Variants in API5 observed in about 807,000 individuals in gnomAD.
API5 encodes FIF.
A neutral mutation model predicts 71.9 loss-of-function variants in API5; 6 were observed. The ratio of observed to expected loss-of-function variants is 0.08; its 90% confidence interval spans 0.05 to 0.16. The LOEUF (loss-of-function observed/expected upper bound fraction) is 0.16. Ranked by LOEUF, API5 falls within the 10% of genes least tolerant of loss-of-function variation. The pLI is 1.00. For missense variants in API5, 332 were observed against 612.8 expected, an observed-to-expected ratio of 0.54 and a Z score of 4.84; for synonymous variants, 189 against 221.3, an observed-to-expected ratio of 0.85 and a Z score of 1.30.
chr11:43,318,664 T>C lies in API5; in HGVS notation c.94T>C (p.Leu32=), dbSNP rs1349616746. The C allele has an allele frequency of 5.6e-6, 9 of 1,613,412 alleles. No individual in the cohort carries two copies. The highest frequency in any genetic ancestry group is 3.3e-5 in the Admixed American group (2 of 60,028). ...GCATAAAGATGCCTATCAAGTGATA[T>C]TGGATGGTGTGAAAGGTGGTACTAA... ...GQHKDAYQVI[L]DGVKGGTKEK... Residue 32 remains leucine (L), a synonymous_variant, in exon 2 of 14, where the codon TTG becomes CTG. Coordinates refer to ENST00000531273, the MANE Select transcript of API5 (RefSeq NM_001142930.2).
intron 6 of API5, among the ~76,000 whole-genome samples, chr11:43,325,427 A>G (rs535352706): frequency 5.9e-5 from 9 of 152,272 alleles, no homozygotes; most frequent in Non-Finnish European, 1.2e-4. Flanking sequence ...GTCAAAGCCC[A>G]TTGCAGCAGA....
At position 43,344,016 on chromosome 11, in the gene API5, A is replaced by G. The variant is rs1006649607; in HGVS notation, c.*1506A>G. 1.3e-5 allele frequency: 2 copies of G among 152,672 alleles called. No homozygotes were observed. The highest frequency in any genetic ancestry group is 2.4e-5 in the African/African-American group (1 of 41,472). 9.5% of individuals were successfully genotyped at this position (152,672 alleles called of 1,614,324 possible). A position where few individuals can be genotyped will look rare whatever the true frequency, so the allele number is the denominator to read the frequency against. The stretch of plus-strand genomic sequence containing the variant: ...AAGGCTAGAATGATACAAGTGAGCA[A>G]AAGTTGGTCAGCTTGGCTATGGAGT... On this transcript the variant is annotated 3_prime_UTR_variant, in exon 14 of 14. Transcript: ENST00000531273.
chr11:43,342,461 G>A lies in API5; in HGVS notation c.1526G>A (p.Gly509Asp). 1 of 1,612,336 alleles carries A rather than the reference G, an allele frequency of 6.2e-7. No individual in the cohort carries two copies. Among genetic ancestry groups the A allele is most frequent in the Non-Finnish European group, 8.5e-7 (1 of 1,178,906 alleles). The change falls in exon 14 of 14, where the codon GGC (glycine) becomes GAC (aspartate). Residue 509 changes from glycine (G) to aspartate (D), a missense_variant. Physicochemically the swap from Gly to Asp is moderately conservative, Grantham distance 94. Around this residue, in one of 3 missense-constraint regions of API5, gnomAD observed 168 missense variants for 343.9 expected, o/e 0.49. Coordinates refer to ENST00000531273, the MANE Select transcript of API5 (RefSeq NM_001142930.2). Reference protein sequence around the residue: ...QRGAFRGSRGGRGWGTRGNRS... With the variant: ...QRGAFRGSRGDRGWGTRGNRS... ...GGAGCCTTCAGGGGAAGTAGAGGTG[G>A]CCGAGGTTGGGGCACACGAGGAAAT...
chr11:43,338,648 T>TGTAA (rs748752244), intron 13 of API5, among the ~76,000 whole-genome samples: 1 of 97,012 alleles, frequency 1.0e-5, no homozygotes, highest in Non-Finnish European at 1.9e-5. Flanking sequence ...CAATTGGAGG[T>TGTAA]AAAAAAAAAA....
intron 13 of API5, among the ~76,000 whole-genome samples, chr11:43,341,876 G>T (rs553821867): frequency 1.3e-5 from 2 of 152,012 alleles, no homozygotes; most frequent in African/African-American, 4.8e-5. Flanking sequence ...AAAAGTGTAC[G>T]GGCTGGGCAC....
intron 11 of API5, among the ~76,000 whole-genome samples, chr11:43,333,127 A>G (rs1855312583): frequency 6.6e-6 from 1 of 152,180 alleles, no homozygotes; most frequent in Non-Finnish European, 1.5e-5. Flanking sequence ...GACAAAAACC[A>G]AAATGCAGTC....
intron 12 of API5, 129 bp from the exon 13 acceptor site, chr11:43,335,729 A>T (rs1357992304): frequency 9.3e-7 from 1 of 1,074,862 alleles, no homozygotes; most frequent in Non-Finnish European, 1.3e-6. Flanking sequence ...TCAAATGTTA[A>T]TTCCTTTTTT....
chr11:43,343,220 A>G lies in API5; in HGVS notation c.*710A>G, dbSNP rs1252875011. Reference sequence around the variant, plus strand: ...TGTGTGTGTGTGTGTGTATATATATATATATGCATGCTGTGAAACTTGACT... The same window carrying G: ...TGTGTGTGTGTGTGTGTATATATATGTATATGCATGCTGTGAAACTTGACT... On this transcript the variant is annotated 3_prime_UTR_variant, in exon 14 of 14. Transcript: ENST00000531273. 12 of 152,568 alleles carry G rather than the reference A, an allele frequency of 7.9e-5. No individual in the cohort carries two copies. Among genetic ancestry groups the G allele is most frequent in the Admixed American group, 7.9e-4 (12 of 15,266 alleles). The allele number at this position is 152,568 out of a possible 1,614,324, so 9.5% of individuals were successfully genotyped here.
rs1305618095 is a variant in API5 at position 43,323,575 on chromosome 11, C to T, written c.689C>T (p.Ser230Leu). The T allele has an allele frequency of 6.2e-6, 10 of 1,613,970 alleles. No homozygotes were observed. Among genetic ancestry groups the T allele is most frequent in the African/African-American group, 2.7e-5 (2 of 74,910 alleles). ...QADLEQTFNP[S>L]DPDCVDRLLQ... ...GACCTAGAACAGACCTTCAATCCCT[C>T]GGATCCTGACTGTGTGGACAGGCTC... Residue 230 changes from serine (S) to leucine (L), a missense_variant, in exon 6 of 14, where the codon TCG (serine) becomes TTG (leucine). Physicochemically the swap from Ser to Leu is moderately radical, Grantham distance 145. Transcript: ENST00000531273.
intron 13 of API5, among the ~76,000 whole-genome samples, chr11:43,337,209 C>A (rs1855466186): frequency 6.6e-6 from 1 of 151,746 alleles, no homozygotes; most frequent in African/African-American, 2.4e-5. Context: ...ACTTATAGTC[C>A]CAGCTACTCA....
intron 6 of API5, among the ~76,000 whole-genome samples, chr11:43,325,671 C>T (rs771233034): frequency 1.3e-5 from 2 of 152,118 alleles, no homozygotes; most frequent in Non-Finnish European, 2.9e-5. Context: ...CAAGTGGGAT[C>T]AAGATCCTGA....
intron 13 of API5, chr11:43,336,332 A>G: frequency 2.9e-6 from 1 of 346,774 alleles, no homozygotes; most frequent in East Asian, 4.6e-5. Context: ...CATTCTGTGC[A>G]TTCTCCCTCA....
chr11:43,327,427 A>T (rs1855110543), intron 7 of API5, among the ~76,000 whole-genome samples: 2 of 152,344 alleles, frequency 1.3e-5, no homozygotes, highest in South Asian at 2.1e-4. Context: ...TTTATAGTTA[A>T]TATATTTATC....
chr11:43,342,397 A>G (rs1254330418), intron 13 of API5, 31 bp from the exon 14 acceptor site: 2 of 1,549,268 alleles, frequency 1.3e-6, no homozygotes, highest in African/African-American at 1.4e-5. Flanking sequence ...AATCCTAAGC[A>G]AGACCTAAAC....
chr11:43,312,357 T>C (rs527764796), intron 1 of API5, among the ~76,000 whole-genome samples, 161 bp downstream of exon 1: 54 of 152,128 alleles, frequency 3.5e-4, no homozygotes, highest in South Asian at 4.2e-4. Context: ...TCTCTGGGAG[T>C]GTAGACTCTG....
At chr11:43,325,424 C>A (rs1183876517) in intron 6 of API5, among the ~76,000 whole-genome samples, 2 of 152,212 alleles carry the variant, frequency 1.3e-5, no homozygotes, top group African/African-American at 4.8e-5. Flanking sequence ...AACGTCAAAG[C>A]CCATTGCAGC....
Position 43,342,659 on chromosome 11 carries a change from T to G in API5, c.*149T>G, listed in dbSNP as rs1032892944. Reference sequence around the variant, plus strand: ...TTATACCTTTGTATGTATGACCTACTTTTGTAACAGACCATGGTTGTGTCC... The same window carrying G: ...TTATACCTTTGTATGTATGACCTACGTTTGTAACAGACCATGGTTGTGTCC... On this transcript the variant is annotated 3_prime_UTR_variant, in exon 14 of 14. Coordinates refer to ENST00000531273, the MANE Select transcript of API5 (RefSeq NM_001142930.2). The G allele has an allele frequency of 3.1e-5, 25 of 799,444 alleles. No individual in the cohort carries two copies. Among genetic ancestry groups the G allele is most frequent in the Non-Finnish European group, 4.9e-5 (23 of 470,230 alleles). The allele number at this position is 799,444 out of a possible 1,614,324, so 49.5% of individuals were successfully genotyped here. A position where few individuals can be genotyped will look rare whatever the true frequency, so the allele number is the denominator to read the frequency against.
chr11:43,324,590 A>C (rs1198051738), intron 6 of API5, among the ~76,000 whole-genome samples: 1 of 151,996 alleles, frequency 6.6e-6, no homozygotes, highest in East Asian at 1.9e-4. Flanking sequence ...TTGTCTCTAC[A>C]AAAAAAATTA....
intron 6 of API5, among the ~76,000 whole-genome samples, chr11:43,326,292 A>G (rs1465639629): frequency 1.3e-5 from 2 of 152,080 alleles, no homozygotes; most frequent in East Asian, 3.9e-4. Flanking sequence ...TTTATTCTTT[A>G]TCTTTTTATT....
Sources: allele counts gnomAD v4.1 joint callset (sites outside exome capture counted in the v4.1 genomes callset), GRCh38; gene constraint gnomAD v4.1.1; regional missense constraint gnomAD v4.1.1; transcripts MANE v1.5; gene names NCBI Gene and HGNC (gene_info 2026-07-23, HGNC 2026-07-21).